UPB1: variants seen among roughly 807,000 people sequenced by gnomAD.
UPB1 encodes beta-ureidopropionase 1.
In UPB1, 40 loss-of-function variants were observed where a neutral mutation model predicts 49.1. The ratio of observed to expected loss-of-function variants is 0.81; its 90% CI spans 0.63 to 1.06. The LOEUF (loss-of-function observed/expected upper bound fraction) is 1.06. Ranked by LOEUF, UPB1 falls within the 50% of genes least tolerant of loss-of-function variation. The pLI is 0.00. For synonymous variants in UPB1, 207 were observed against 198.2 expected (o/e 1.04, Z -0.38); for missense variants, 499 against 505.9 (o/e 0.99, Z 0.13).
rs1399491583 is a variant in UPB1, at chr22:24,523,654, T to A, written c.952T>A (p.Tyr318Asn). 6.2e-7 allele frequency: 1 copy of A among 1,614,242 alleles called. No individual in the cohort carries two copies. Among genetic ancestry groups the A allele is most frequent in the Admixed American group, 1.7e-5 (1 of 60,032 alleles). ...CTTTGGCTACTTTTATGGCTCGAGC[T>A]ATGTGGCAGCCCCTGACAGCAGCCG... ...QDFGYFYGSS[Y>N]VAAPDSSRTP... is the part of the protein sequence containing the mutation. The change falls in exon 9 of 10, where the codon TAT (tyrosine) becomes AAT (asparagine). Residue 318 changes from tyrosine to asparagine, a missense_variant. Coordinates refer to ENST00000326010, the MANE Select transcript of UPB1 (RefSeq NM_016327.3).
intron 4 of UPB1, among the ~76,000 whole-genome samples, chr22:24,511,361 T>C (rs527438312): frequency 1.3e-5 from 2 of 152,210 alleles, no homozygotes; most frequent in South Asian, 4.1e-4. Context: ...AGTAGATAAG[T>C]GGTGGCTAAG....
chr22:24,501,404 T>C (rs1212674718), intron 2 of UPB1, among the ~76,000 whole-genome samples: 1 of 152,230 alleles, frequency 6.6e-6, no homozygotes, highest in African/African-American at 2.4e-5. Context: ...GGATGCTTTC[T>C]TCCTATCCCC....
chr22:24,523,867 A>G, intron 9 of UPB1, 94 bp downstream of exon 9: 5 of 1,579,362 alleles, frequency 3.2e-6, no homozygotes, highest in Non-Finnish European at 4.3e-6. Context: ...CCATGGCAGC[A>G]TGAGGTACCA....
At chr22:24,499,062 G>A (rs2043941397) in intron 1 of UPB1, among the ~76,000 whole-genome samples, 1 of 152,186 alleles carries the variant, frequency 6.6e-6, no homozygotes, top group South Asian at 2.1e-4. Context: ...TAACCTGCTG[G>A]AGTGAAGGGA....
intron 8 of UPB1, 40 bp from the exon 9 acceptor site, chr22:24,523,579 C>G: frequency 6.2e-7 from 1 of 1,613,778 alleles, no homozygotes; most frequent in South Asian, 1.1e-5. Context: ...CACAGTGCAT[C>G]TACACAAGCT....
chr22:24,499,688 C>T lies in UPB1; in HGVS notation c.105-419C>T, dbSNP rs139053200. Among the ~76,000 whole-genome samples the T allele has an allele frequency of 5.9e-3, 893 of 152,320 alleles. 8 individuals are homozygous for T. The highest frequency in any genetic ancestry group is 0.02 in the African/African-American group (848 of 41,552). On this transcript the variant is annotated intron_variant, in intron 1 of 9. Coordinates refer to ENST00000326010, the MANE Select transcript of UPB1 (RefSeq NM_016327.3). ...CCTGAGCCCCATTTTCCAAGCCCCT[C>T]GGCTCCCACAGCCTGCCTCACACCC... is the stretch of plus-strand genomic sequence containing the variant.
chr22:24,524,576 C>T (rs1203837674), intron 9 of UPB1, among the ~76,000 whole-genome samples: 1 of 152,174 alleles, frequency 6.6e-6, no homozygotes, highest in African/African-American at 2.4e-5. Context: ...GCCTTGACCT[C>T]CTGGGCTCAA....
At chr22:24,500,590 C>T (rs1206223686) in intron 2 of UPB1, among the ~76,000 whole-genome samples, 3 of 152,260 alleles carry the variant, frequency 2.0e-5, no homozygotes, top group Non-Finnish European at 4.4e-5. Context: ...CTCCACGGGA[C>T]GCTGCCTCTC....
rs764769327 is a variant in UPB1, at chr22:24,523,642, T to C, written c.940T>C (p.Tyr314His). ...AGCTCACCAGGACTTTGGCTACTTT[T>C]ATGGCTCGAGCTATGTGGCAGCCCC... is the stretch of plus-strand genomic sequence containing the variant. ...KKAHQDFGYF[Y>H]GSSYVAAPDS... Residue 314 changes from tyrosine to histidine, a missense_variant, in exon 9 of 10, where the codon TAT (tyrosine) becomes CAT (histidine). Transcript: ENST00000326010. 6.2e-6 allele frequency: 10 copies of C among 1,614,144 alleles called. No individual in the cohort carries two copies. In the South Asian group the frequency reaches 9.9e-5, roughly 16 times the overall value.
chr22:24,526,234 G>GA lies in UPB1; in HGVS notation c.*440_*441insA. 1.9e-5 allele frequency: 5 copies of GA among 269,290 alleles called. No individual in the cohort carries two copies. The highest frequency in any genetic ancestry group is 7.7e-5 in the South Asian group (2 of 26,074). 16.7% of individuals were successfully genotyped at this position (269,290 alleles called of 1,614,324 possible). A position where few individuals can be genotyped will look rare whatever the true frequency, so the allele number is the denominator to read the frequency against. ...GTGGTGGGTCGGATGGTCTTTGGAT[G>GA]TGTCAGCTTAGCTAGGCCACAGTCA... On this transcript the variant is annotated 3_prime_UTR_variant, in exon 10 of 10. Coordinates refer to ENST00000326010, the MANE Select transcript of UPB1 (RefSeq NM_016327.3).
At chr22:24,519,480 G>C (rs941994847) in intron 6 of UPB1, among the ~76,000 whole-genome samples, 8 of 152,102 alleles carry the variant, frequency 5.3e-5, no homozygotes, top group South Asian at 4.1e-4. Context: ...GGCCAGAGAA[G>C]GACAGGGTCT....
Position 24,505,263 on chromosome 22 carries a change from T to C in UPB1, c.364+3050T>C, listed in dbSNP as rs559966654. Reference sequence around the variant, plus strand: ...AAGTAAATTTTGTTTTCTCTCTTATTCCAAGAGTCCTTATTCCAAGTTGGA... The same window carrying C: ...AAGTAAATTTTGTTTTCTCTCTTATCCCAAGAGTCCTTATTCCAAGTTGGA... On this transcript the variant is annotated intron_variant, in intron 3 of 9. Coordinates refer to ENST00000326010, the MANE Select transcript of UPB1 (RefSeq NM_016327.3). Among the ~76,000 whole-genome samples the C allele has an allele frequency of 3.3e-5, 5 of 152,348 alleles. No individual in the cohort carries two copies. In the East Asian group the frequency reaches 9.6e-4, roughly 29 times the overall value.
chr22:24,522,053 T>A, intron 8 of UPB1, 25 bp downstream of exon 8: 1 of 1,613,176 alleles, frequency 6.2e-7, no homozygotes, highest in Non-Finnish European at 8.5e-7. Flanking sequence ...CCATGGTGGC[T>A]GCAGTTGAGG....
chr22:24,501,118 A>G (rs1379310225), intron 2 of UPB1, among the ~76,000 whole-genome samples: 3 of 152,234 alleles, frequency 2.0e-5, no homozygotes, highest in Non-Finnish European at 4.4e-5. Flanking sequence ...CTGTCAAGTC[A>G]TAGGACCAGC....
intron 3 of UPB1, among the ~76,000 whole-genome samples, chr22:24,509,361 G>GAAAAAAAAAAAAAAAAAAAAA (rs202081655): frequency 1.1e-5 from 1 of 92,156 alleles, no homozygotes; most frequent in Non-Finnish European, 2.0e-5. Context: ...CCTACTGTTT[G>GAAAAAAAAAAAAAAAAAAAAA]AAAAAAAAAA....
At chr22:24,511,197 C>T (rs148778847) in intron 4 of UPB1, among the ~76,000 whole-genome samples, 3 of 152,282 alleles carry the variant, frequency 2.0e-5, no homozygotes, top group Non-Finnish European at 4.4e-5. Flanking sequence ...TGCTCCACTG[C>T]AGTTTGCTTG....
intron 3 of UPB1, among the ~76,000 whole-genome samples, chr22:24,505,383 A>G (rs2147009870): frequency 6.6e-6 from 1 of 152,336 alleles, no homozygotes; most frequent in South Asian, 2.1e-4. Context: ...GCTCCATTAT[A>G]GGGTGATCTG....
At chr22:24,495,885 G>A (rs749550325) in intron 1 of UPB1, among the ~76,000 whole-genome samples, 5 of 152,124 alleles carry the variant, frequency 3.3e-5, no homozygotes, top group Non-Finnish European at 7.4e-5. Flanking sequence ...TGATTGTCCG[G>A]CCCCAGACCA....
rs555844786 is a variant in UPB1 at position 24,510,406 on chromosome 22, C to T, written c.365-343C>T. 2.6e-5 allele frequency among the ~76,000 whole-genome samples: 4 copies of T among 151,772 alleles called. No individual in the cohort carries two copies. The East Asian group carries it at 7.7e-4, about 29-fold the overall frequency. On this transcript the variant is annotated intron_variant, in intron 3 of 9. Transcript: ENST00000326010. The stretch of plus-strand genomic sequence containing the variant: ...ATATTCCATTGTGTATATATATATA[C>T]CACATTTTACCTATCAGTTCATCTG...
Sources: allele counts gnomAD v4.1 joint callset (sites outside exome capture counted in the v4.1 genomes callset), GRCh38; gene constraint gnomAD v4.1.1; transcripts MANE v1.5; gene names NCBI Gene and HGNC (gene_info 2026-07-23, HGNC 2026-07-21).